Variants in SNX10 observed in about 807,000 individuals in gnomAD.
The protein encoded by SNX10 is sorting nexin 10, also known as sorting nexin-10.
SNX10 carries 25 observed loss-of-function variants against 28.5 expected under a neutral mutation model. The observed-to-expected ratio is 0.88, with a 90% CI of 0.64 to 1.22. The LOEUF (loss-of-function observed/expected upper bound fraction) is 1.22, where lower values mean the gene tolerates loss of function less well. Among genes scored for constraint, SNX10 ranks in the 50% most tolerant of loss-of-function variants. The pLI is 0.00. For missense variants in SNX10, 223 were observed against 242.6 expected (o/e 0.92, Z 0.54); for synonymous variants, 62 against 81.4 (o/e 0.76, Z 1.28).
At chr7:26,342,577 T>C (rs1788223953) in intron 1 of SNX10, among the ~76,000 whole-genome samples, 1 of 152,216 alleles carries the variant, frequency 6.6e-6, no homozygotes, top group Non-Finnish European at 1.5e-5. Flanking sequence ...CTGAGAGCAT[T>C]ATGCTATTTA....
At chr7:26,296,751 G>A (rs1786126843) in intron 1 of SNX10, among the ~76,000 whole-genome samples, 1 of 152,112 alleles carries the variant, frequency 6.6e-6, no homozygotes. Context: ...GGTGGCTCAC[G>A]CCTGTAATCT....
At chr7:26,312,652 C>T (rs922393288) in intron 1 of SNX10, among the ~76,000 whole-genome samples, 5 of 152,096 alleles carry the variant, frequency 3.3e-5, no homozygotes, top group African/African-American at 9.7e-5. Context: ...GGCGTGTTGG[C>T]GCTTGCCTGT....
chr7:26,326,449 G>A (rs184561330), intron 1 of SNX10, among the ~76,000 whole-genome samples: 84 of 152,286 alleles, frequency 5.5e-4, no homozygotes, highest in Non-Finnish European at 1.0e-3. Context: ...CACATGGCTT[G>A]CATCTTCTTG....
intron 5 of SNX10, among the ~76,000 whole-genome samples, chr7:26,368,165 T>G (rs1789371023): frequency 6.6e-6 from 1 of 152,234 alleles, no homozygotes; most frequent in South Asian, 2.1e-4. Context: ...TTAGTCTCAG[T>G]ACTAAAAATC....
At chr7:26,339,654 C>T (rs1021615051) in intron 1 of SNX10, among the ~76,000 whole-genome samples, 4 of 151,624 alleles carry the variant, frequency 2.6e-5, no homozygotes, top group Admixed American at 6.6e-5. Context: ...CTCAGCCTCC[C>T]GAGTAGCTGG....
chr7:26,305,108 T>C (rs1304582320), intron 1 of SNX10, among the ~76,000 whole-genome samples: 1 of 152,152 alleles, frequency 6.6e-6, no homozygotes, highest in Non-Finnish European at 1.5e-5. Flanking sequence ...CCATGTGTTT[T>C]GTTAGTTGAG....
chr7:26,353,150 A>C (rs1454535293), intron 2 of SNX10, among the ~76,000 whole-genome samples: 1 of 152,226 alleles, frequency 6.6e-6, no homozygotes, highest in Non-Finnish European at 1.5e-5. Context: ...TTTATCCTGA[A>C]GTAATAAAAG....
Position 26,319,664 on chromosome 7 carries a change from C to T in SNX10, c.-23-26756C>T, listed in dbSNP as rs549470083. On this transcript the variant is annotated intron_variant, in intron 1 of 6. Coordinates refer to ENST00000338523, the MANE Select transcript of SNX10 (RefSeq NM_013322.3). ...CCCAGGAAAAAAGACAAAAAAAACC[C>T]ATTTGGATTTGCTCTGCAGTTCTTA... is the stretch of plus-strand genomic sequence containing the variant. Among the ~76,000 whole-genome samples, 59 of 152,276 alleles carry T rather than the reference C, an allele frequency of 3.9e-4. 1 individual carries two copies. The highest frequency in any genetic ancestry group is 7.5e-4 in the Non-Finnish European group (51 of 68,012).
At chr7:26,305,224 C>A (rs546872608) in intron 1 of SNX10, among the ~76,000 whole-genome samples, 1 of 152,138 alleles carries the variant, frequency 6.6e-6, no homozygotes, top group Admixed American at 6.5e-5. Flanking sequence ...CTCACTTGTC[C>A]GTGAGCTCCA....
At chr7:26,317,577 C>G (rs1399155690) in intron 1 of SNX10, among the ~76,000 whole-genome samples, 6 of 151,886 alleles carry the variant, frequency 4.0e-5, no homozygotes, top group African/African-American at 1.5e-4. Flanking sequence ...GTAGCAAGGG[C>G]CACCAAATAC....
At chr7:26,329,937 G>A (rs1787669540) in intron 1 of SNX10, among the ~76,000 whole-genome samples, 3 of 152,142 alleles carry the variant, frequency 2.0e-5, no homozygotes, top group South Asian at 4.1e-4. Flanking sequence ...ACAGTGGAAG[G>A]ACGGGAGGTC....
At chr7:26,349,552 G>A (rs1788518338) in intron 2 of SNX10, among the ~76,000 whole-genome samples, 1 of 152,132 alleles carries the variant, frequency 6.6e-6, no homozygotes, top group Non-Finnish European at 1.5e-5. Context: ...AAAGGCCTTG[G>A]CATTGGGCCA....
rs75895051 is a variant in SNX10 at position 26,351,450 on chromosome 7, A to G, written c.24+4984A>G. On this transcript the variant is annotated intron_variant, in intron 2 of 6. Transcript: ENST00000338523. ...ACACCAATCTAATCATGAGACAAAC[A>G]TCAGACAAATCTGCAGAATACCTGC... is the stretch of plus-strand genomic sequence containing the variant. 5.6e-3 allele frequency among the ~76,000 whole-genome samples: 851 copies of G among 152,232 alleles called. 4 individuals are homozygous for G. The highest frequency in any genetic ancestry group is 8.6e-3 in the Non-Finnish European group (583 of 68,008).
intron 2 of SNX10, among the ~76,000 whole-genome samples, chr7:26,359,008 GTTGGCC>G (rs1788958777): frequency 6.6e-6 from 1 of 151,820 alleles, no homozygotes; most frequent in Admixed American, 6.6e-5. Flanking sequence ...GTTTCACTAT[GTTGGCC>G]AGGCTGGTCT....
At chr7:26,365,985 AGT>A (rs901210342) in intron 5 of SNX10, among the ~76,000 whole-genome samples, 62 of 152,318 alleles carry the variant, frequency 4.1e-4, no homozygotes, top group African/African-American at 1.4e-3. Context: ...CACTCATGAC[AGT>A]GTCTGGCATG....
At chr7:26,361,161 TA>T (rs1789050877) in intron 3 of SNX10, 100 bp downstream of exon 3, 6 of 1,202,184 alleles carry the variant, frequency 5.0e-6, no homozygotes, top group Non-Finnish European at 6.7e-6. Flanking sequence ...CTCATTCAAA[TA>T]ACTGAATTTG....
intron 2 of SNX10, 84 bp from the exon 3 acceptor site, chr7:26,360,890 GT>G: frequency 6.4e-7 from 1 of 1,570,728 alleles, no homozygotes. Context: ...TTTCAGTTTT[GT>G]TTTAGTGCAG....
intron 1 of SNX10, among the ~76,000 whole-genome samples, chr7:26,310,772 C>A (rs957455157): frequency 2.0e-5 from 3 of 151,790 alleles, no homozygotes; most frequent in Non-Finnish European, 4.4e-5. Context: ...AGCTCCGCCT[C>A]CTGGGGTTCA....
chr7:26,329,702 A>C (rs59580221), intron 1 of SNX10, among the ~76,000 whole-genome samples: 11,510 of 152,236 alleles, frequency 0.076, 1,034 homozygotes, highest in East Asian at 0.27. Context: ...GGAACAAGGC[A>C]TCAGGCAATG....
Sources: allele counts gnomAD v4.1 joint callset (sites outside exome capture counted in the v4.1 genomes callset), GRCh38; gene constraint gnomAD v4.1.1; transcripts MANE v1.5; gene names NCBI Gene and HGNC (gene_info 2026-07-23, HGNC 2026-07-21).